IMMP1L: variants seen among roughly 807,000 people sequenced by gnomAD.
IMMP1L encodes mitochondrial inner membrane protease subunit 1.
IMMP1L carries 24 observed loss-of-function variants against 21.8 expected under a neutral mutation model. That is an observed-to-expected ratio of 1.10 (90% CI 0.80 to 1.55). The LOEUF is 1.55. IMMP1L is among the 40% of genes most tolerant of loss of function. IMMP1L has a pLI of 0.00. For synonymous variants in IMMP1L, 46 were observed against 62.8 expected, an observed-to-expected ratio of 0.73 and a Z score of 1.26; for missense variants, 195 against 200.7, an observed-to-expected ratio of 0.97 and a Z score of 0.17.
chr11:31,503,899 T>A (rs577065878), intron 1 of IMMP1L, among the ~76,000 whole-genome samples: 3 of 152,270 alleles, frequency 2.0e-5, no homozygotes, highest in Admixed American at 1.3e-4. Context: ...CACTAACCAA[T>A]GGAAAGTCCA....
At chr11:31,469,292 G>A (rs1261513193) in intron 1 of IMMP1L, among the ~76,000 whole-genome samples, 1 of 151,666 alleles carries the variant, frequency 6.6e-6, no homozygotes, top group African/African-American at 2.4e-5. Context: ...CAGAAAGAGA[G>A]CAACAGGTGA....
intron 1 of IMMP1L, among the ~76,000 whole-genome samples, chr11:31,473,421 G>C (rs2133718578): frequency 6.6e-6 from 1 of 152,264 alleles, no homozygotes; most frequent in South Asian, 2.1e-4. Context: ...AAGTCATGCA[G>C]CTCATTAGAG....
intron 1 of IMMP1L, chr11:31,477,511 G>A (rs765095927): frequency 3.1e-6 from 3 of 976,704 alleles, no homozygotes; most frequent in Admixed American, 6.2e-5. Flanking sequence ...CTGATTTTTT[G>A]TTGTTGTTGT....
intron 4 of IMMP1L, among the ~76,000 whole-genome samples, chr11:31,440,060 T>G (rs140604232): frequency 1.2e-3 from 184 of 152,356 alleles, no homozygotes; most frequent in Non-Finnish European, 2.3e-3. Context: ...CTTTGCTCCA[T>G]GGTAGTCGGA....
In IMMP1L at chr11:31,437,606, G is replaced by C. The variant is rs143272242; in HGVS notation, c.322-4036C>G. Among the ~76,000 whole-genome samples the C allele has an allele frequency of 9.2e-5, 14 of 152,180 alleles. No homozygotes were observed. The East Asian group carries it at 2.7e-3, about 29-fold the overall frequency. On this transcript the variant is annotated intron_variant, in intron 4 of 5. Coordinates refer to ENST00000532287, the MANE Select transcript of IMMP1L (RefSeq NM_001304274.2). ...TCACTTTAAAAATCAATTTTATAGAGGTATATTTTATATACAGTAAAATGC... is the reference window on the plus strand; with the variant it reads ...TCACTTTAAAAATCAATTTTATAGACGTATATTTTATATACAGTAAAATGC...
intron 4 of IMMP1L, among the ~76,000 whole-genome samples, chr11:31,436,889 G>C (rs925908710): frequency 6.6e-6 from 1 of 152,088 alleles, no homozygotes; most frequent in African/African-American, 2.4e-5. Context: ...TCAAATATGA[G>C]ACATGCTAAC....
chr11:31,490,574 C>A (rs1955221813), intron 1 of IMMP1L, among the ~76,000 whole-genome samples: 1 of 151,636 alleles, frequency 6.6e-6, no homozygotes, highest in Admixed American at 6.6e-5. Flanking sequence ...CTAATATAAA[C>A]ATTAAAGGTA....
chr11:31,495,700 G>C (rs1955408652), intron 1 of IMMP1L, among the ~76,000 whole-genome samples: 1 of 152,146 alleles, frequency 6.6e-6, no homozygotes, highest in African/African-American at 2.4e-5. Flanking sequence ...AGAATAAAGA[G>C]CACAGAAATA....
At chr11:31,443,520 G>A (rs998313169) in intron 4 of IMMP1L, among the ~76,000 whole-genome samples, 24 of 152,176 alleles carry the variant, frequency 1.6e-4, no homozygotes. Context: ...CATTCTCCTC[G>A]CCCTAACTAC....
At chr11:31,493,268 A>G (rs1955316932) in intron 1 of IMMP1L, among the ~76,000 whole-genome samples, 1 of 152,144 alleles carries the variant, frequency 6.6e-6, no homozygotes, top group East Asian at 1.9e-4. Flanking sequence ...GAAACTTACA[A>G]TCATGGTGGA....
At chr11:31,450,179 T>C (rs1480607328) in intron 4 of IMMP1L, among the ~76,000 whole-genome samples, 2 of 152,112 alleles carry the variant, frequency 1.3e-5, no homozygotes, top group African/African-American at 4.8e-5. Context: ...AAGAACAAAT[T>C]ATCTGTATAG....
At chr11:31,471,077 T>A (rs1483681018) in intron 1 of IMMP1L, among the ~76,000 whole-genome samples, 1 of 152,200 alleles carries the variant, frequency 6.6e-6, no homozygotes, top group Non-Finnish European at 1.5e-5. Flanking sequence ...TAGTTAACAA[T>A]AATTTAGTGC....
intron 1 of IMMP1L, among the ~76,000 whole-genome samples, chr11:31,495,781 T>C (rs1309345348): frequency 6.6e-6 from 1 of 152,150 alleles, no homozygotes; most frequent in East Asian, 1.9e-4. Context: ...AAGGCAGTCT[T>C]TTCAACACAT....
At chr11:31,491,590 G>A (rs1174900607) in intron 1 of IMMP1L, among the ~76,000 whole-genome samples, 2 of 152,324 alleles carry the variant, frequency 1.3e-5, no homozygotes, top group East Asian at 3.9e-4. Context: ...ACAGTAAAAT[G>A]TGAGAGAAGA....
chr11:31,468,485 G>A (rs1169578630), intron 1 of IMMP1L, among the ~76,000 whole-genome samples: 1 of 152,098 alleles, frequency 6.6e-6, no homozygotes, highest in Admixed American at 6.5e-5. Flanking sequence ...CAAGTGAAGT[G>A]TATACAAATG....
chr11:31,453,795 C>T (rs1281830930), intron 4 of IMMP1L, among the ~76,000 whole-genome samples: 1 of 152,100 alleles, frequency 6.6e-6, no homozygotes, highest in African/African-American at 2.4e-5. Flanking sequence ...AGAAATACTT[C>T]CCTGTGTTTT....
At chr11:31,482,228 A>C (rs1020256395) in intron 1 of IMMP1L, among the ~76,000 whole-genome samples, 5 of 152,142 alleles carry the variant, frequency 3.3e-5, no homozygotes, top group Non-Finnish European at 5.9e-5. Context: ...GTAAATACAG[A>C]CTGAAATTTT....
chr11:31,479,609 G>A (rs1457650069), intron 1 of IMMP1L, among the ~76,000 whole-genome samples: 1 of 152,026 alleles, frequency 6.6e-6, no homozygotes, highest in Non-Finnish European at 1.5e-5. Context: ...AGTCCAAATT[G>A]AGATGTACTA....
intron 1 of IMMP1L, among the ~76,000 whole-genome samples, chr11:31,489,418 C>G (rs1955185220): frequency 2.0e-5 from 3 of 152,038 alleles, no homozygotes; most frequent in African/African-American, 7.2e-5. Flanking sequence ...TAAAATGATT[C>G]CTATTTTCTG....
Sources: gnomAD v4.1 joint callset for allele counts (sites outside exome capture counted in the v4.1 genomes callset) on GRCh38, gnomAD v4.1.1 for gene constraint, MANE v1.5 for transcripts, NCBI Gene and HGNC (gene_info 2026-07-23, HGNC 2026-07-21) for gene names.